SYNE2: variants seen among roughly 807,000 people sequenced by gnomAD.
SYNE2 encodes the protein nesprin-2.
In SYNE2, 431 loss-of-function variants were observed where a neutral mutation model predicts 856.3. The observed-to-expected ratio is 0.50, with a 90% confidence interval of 0.47 to 0.55. The LOEUF (loss-of-function observed/expected upper bound fraction) is 0.55. Among genes scored for constraint, SYNE2 ranks in the 20% least tolerant of loss-of-function variants. The probability of loss-of-function intolerance (pLI) is 0.00; values close to 1 mark genes in which losing one functional copy is unlikely to be tolerated. For missense variants in SYNE2, 8,129 were observed against 8,023.2 expected (o/e 1.01, Z -0.50); for synonymous variants, 2,923 against 2,872.3 (o/e 1.02, Z -0.56).
intron 39 of SYNE2, 119 bp downstream of exon 39, chr14:64,024,578 C>T (rs750656480): frequency 1.1e-4 from 107 of 983,038 alleles, no homozygotes; most frequent in Non-Finnish European, 1.4e-4. Context: ...ACACAAAAGG[C>T]GTACTTTTCA....
rs1257629948 is a variant in SYNE2 at position 64,107,530 on chromosome 14, G to A, written c.12532G>A (p.Ala4178Thr). The change falls in exon 65 of 116, where the codon GCA becomes ACA. Residue 4178 changes from alanine to threonine, a missense_variant. Coordinates refer to ENST00000555002, the MANE Select transcript of SYNE2 (RefSeq NM_182914.3). ...GKISTSDNSMAQILTPDSLNT... is the reference protein window; with the variant it reads ...GKISTSDNSMTQILTPDSLNT... ...AATAAGCACCTCTGATAATTCCATG[G>A]CACAAATCCTCACACCAGACTCACT... is the stretch of plus-strand genomic sequence containing the variant. 1.2e-6 allele frequency: 2 copies of A among 1,614,070 alleles called. No individual in the cohort carries two copies. Among genetic ancestry groups the A allele is most frequent in the East Asian group, 2.2e-5 (1 of 44,878 alleles).
At chr14:64,129,530 G>T (rs567875682) in intron 74 of SYNE2, among the ~76,000 whole-genome samples, 1 of 152,128 alleles carries the variant, frequency 6.6e-6, no homozygotes. Flanking sequence ...AATGCTAACC[G>T]CAGGACAGAA....
rs149407844 is a variant in SYNE2 at position 64,159,301 on chromosome 14, G to C, written c.15964-11G>C. The C allele has an allele frequency of 7.4e-5, 119 of 1,613,712 alleles. 1 individual carries two copies. In the East Asian group the frequency reaches 2.6e-3, roughly 36 times the overall value. ...ATTCTGAAACTTAAATTTCTTGTTT[G>C]TGTCTCTTAGTCTCTGCAAGATGAA... On this transcript the variant is annotated splice_polypyrimidine_tract_variant and intron_variant, in intron 86 of 115. Coordinates refer to ENST00000555002, the MANE Select transcript of SYNE2 (RefSeq NM_182914.3).
At chr14:64,174,068 A>AAT in intron 94 of SYNE2, 1 of 421,062 alleles carries the variant, frequency 2.4e-6, no homozygotes, top group East Asian at 3.9e-5. Flanking sequence ...TGTCTCTTAA[A>AAT]TTTTTTTTTT....
chr14:63,978,504 CTT>C (rs1473069941), intron 13 of SYNE2, among the ~76,000 whole-genome samples: 1 of 152,070 alleles, frequency 6.6e-6, no homozygotes, highest in East Asian at 1.9e-4. Flanking sequence ...ATAATGAAAA[CTT>C]TTAATATATA....
chr14:64,214,494 C>T (rs1451627316), intron 106 of SYNE2, 24 bp downstream of exon 106: 1 of 1,599,204 alleles, frequency 6.3e-7, no homozygotes, highest in South Asian at 1.1e-5. Flanking sequence ...TCCCAGCACC[C>T]TGGAAAGTGA....
chr14:64,025,266 G>A lies in SYNE2; in HGVS notation c.6097G>A (p.Glu2033Lys), dbSNP rs765119308. ...QTLLRQLSEI[E>K]EEDKLLPTED... ...ATTACTGAGACAACTAAGTGAAATC[G>A]AGGAAGAGGATAAGTTACTACCCAC... Residue 2033 changes from glutamate (E) to lysine (K), a missense_variant, in exon 41 of 116, where the codon GAG (glutamate) becomes AAG (lysine). Physicochemically the swap from Glu to Lys is moderately conservative, Grantham distance 56 (BLOSUM62 1). This residue lies in a region of SYNE2 where 2,422 missense variants were observed against 2,357.4 expected (regional missense o/e 1.03). Coordinates refer to ENST00000555002, the MANE Select transcript of SYNE2 (RefSeq NM_182914.3). 1.1e-5 allele frequency: 17 copies of A among 1,613,972 alleles called. No homozygotes were observed. Among genetic ancestry groups the A allele is most frequent in the Admixed American group, 5.0e-5 (3 of 60,006 alleles).
intron 96 of SYNE2, among the ~76,000 whole-genome samples, chr14:64,182,272 G>A (rs1466221484): frequency 6.6e-6 from 1 of 152,162 alleles, no homozygotes. Context: ...AGGTATTCTT[G>A]TGGTATAGAT....
At chr14:64,129,614 G>A (rs1701490456) in intron 74 of SYNE2, among the ~76,000 whole-genome samples, 168 bp from the exon 75 acceptor site, 1 of 152,198 alleles carries the variant, frequency 6.6e-6, no homozygotes, top group South Asian at 2.1e-4. Context: ...TTAGGAACTT[G>A]GGACCTCTGG....
rs115922465 is a variant in SYNE2 at position 64,026,437 on chromosome 14, G to A, written c.6253-142G>A. On this transcript the variant is annotated intron_variant, in intron 41 of 115. Transcript: ENST00000555002. Reference sequence around the variant, plus strand: ...GTGAAGAGAGATATCTTTGTCTTTCGGGTACATATAAAAATGAAAAGATTA... The same window carrying A: ...GTGAAGAGAGATATCTTTGTCTTTCAGGTACATATAAAAATGAAAAGATTA... 1,084 of 683,562 alleles carry A rather than the reference G, an allele frequency of 1.6e-3. 3 individuals are homozygous for A. The African/African-American group carries it at 0.017, about 11-fold the overall frequency. 42.3% of individuals were successfully genotyped at this position (683,562 alleles called of 1,614,324 possible).
intron 64 of SYNE2, among the ~76,000 whole-genome samples, chr14:64,107,047 G>A (rs969806476): frequency 6.6e-6 from 1 of 152,050 alleles, no homozygotes; most frequent in Non-Finnish European, 1.5e-5. Context: ...TAGAGACAGG[G>A]TCTTACCATG....
chr14:63,918,766 A>T (rs2095561838), intron 2 of SYNE2, among the ~76,000 whole-genome samples: 2 of 152,142 alleles, frequency 1.3e-5, no homozygotes, highest in South Asian at 4.1e-4. Context: ...TTCCATCTTT[A>T]CTGCACAATT....
Position 64,052,092 on chromosome 14 carries a change from A to T in SYNE2, c.8179A>T (p.Ile2727Phe). The change falls in exon 48 of 116, where the codon ATT (isoleucine) becomes TTT (phenylalanine). Residue 2727 changes from isoleucine to phenylalanine, a missense_variant. By Grantham distance (21) the Ile-to-Phe change is conservative (BLOSUM62 0). Transcript: ENST00000555002. ...ATTACACTTAGAAGCAGAAAATCAG[A>T]TTAAGAAGTGTGACATAAGGAACAA... ...EPLHLEAENQ[I>F]KKCDIRNKMK... 1.2e-6 allele frequency: 2 copies of T among 1,614,248 alleles called. No individual in the cohort carries two copies.
intron 59 of SYNE2, among the ~76,000 whole-genome samples, 162 bp downstream of exon 59, chr14:64,089,858 G>A (rs992866827): frequency 2.0e-5 from 3 of 152,082 alleles, no homozygotes; most frequent in South Asian, 2.1e-4. Flanking sequence ...TATTTAAATC[G>A]TAGTTGTAGT....
intron 10 of SYNE2, among the ~76,000 whole-genome samples, chr14:63,964,723 C>T (rs1391534128): frequency 6.6e-6 from 1 of 151,972 alleles, no homozygotes; most frequent in Non-Finnish European, 1.5e-5. Context: ...AGGGTTTCTC[C>T]ATGTTGGTCA....
chr14:64,028,496 C>A (rs538460476), intron 43 of SYNE2, among the ~76,000 whole-genome samples: 1 of 152,168 alleles, frequency 6.6e-6, no homozygotes, highest in Admixed American at 6.5e-5. Context: ...CTTATATAAT[C>A]CTCCTGCCTC....
chr14:63,955,749 A>C (rs1264229881), intron 8 of SYNE2, among the ~76,000 whole-genome samples: 1 of 152,192 alleles, frequency 6.6e-6, no homozygotes, highest in Non-Finnish European at 1.5e-5. Context: ...ATTATTTTAT[A>C]AATAATTATA....
At chr14:64,005,800 G>A (rs2096791736) in intron 30 of SYNE2, among the ~76,000 whole-genome samples, 1 of 152,174 alleles carries the variant, frequency 6.6e-6, no homozygotes, top group Admixed American at 6.5e-5. Context: ...TTAAAGCTAT[G>A]AGACTGGATG....
chr14:64,202,336 C>A (rs181487947), intron 99 of SYNE2: 2 of 701,644 alleles, frequency 2.9e-6, no homozygotes, highest in African/African-American at 3.5e-5. Flanking sequence ...GGACCAAATA[C>A]CACCAAGTGA....
Sources: allele counts gnomAD v4.1 joint callset (sites outside exome capture counted in the v4.1 genomes callset), GRCh38; gene constraint gnomAD v4.1.1; regional missense constraint gnomAD v4.1.1; transcripts MANE v1.5; gene names NCBI Gene and HGNC (gene_info 2026-07-23, HGNC 2026-07-21).